KARS1: variants seen among roughly 807,000 people sequenced by gnomAD.
KARS1 encodes lysine--tRNA ligase.
A neutral mutation model predicts 63.9 loss-of-function variants in KARS1; 50 were observed. The ratio of observed to expected loss-of-function variants is 0.78; its 90% confidence interval spans 0.62 to 0.99. The LOEUF (loss-of-function observed/expected upper bound fraction) is 0.99. KARS1 is among the 50% of genes least tolerant of loss of function. The probability of loss-of-function intolerance (pLI) is 0.00; values close to 1 mark genes in which losing one functional copy is unlikely to be tolerated. For synonymous variants in KARS1, 320 were observed against 264.6 expected (o/e 1.21, Z -2.03); for missense variants, 816 against 754.5 (o/e 1.08, Z -0.95).
chr16:75,639,602 A>G (rs1027781066), intron 3 of KARS1, among the ~76,000 whole-genome samples: 6 of 149,408 alleles, frequency 4.0e-5, no homozygotes, highest in African/African-American at 1.5e-4. Flanking sequence ...AGATTTTAGT[A>G]AAATCACTGC....
At chr16:75,628,019 A>G (rs1011654982) in intron 13 of KARS1, 26 bp from the exon 14 acceptor site, 1 of 1,320,704 alleles carries the variant, frequency 7.6e-7, no homozygotes, top group Non-Finnish European at 1.1e-6. Context: ...ATGTACCTTG[A>G]AGCTGAGAAG....
At position 75,640,307 on chromosome 16, in the gene KARS1, C is replaced by G. The variant is rs772780691; in HGVS notation, c.265G>C (p.Val89Leu). ...TGTGGGTATGGGTCTTCCCCATTGA[C>G]CTTCAGCTGATGAATTGCTTGACTG... The part of the protein sequence containing the change: ...IRSQAIHQLK[V>L]NGEDPYPHKF... The change falls in exon 3 of 14, where the codon GTC (valine) becomes CTC (leucine). Residue 89 changes from valine (V) to leucine (L), a missense_variant. Val to Leu is a conservative substitution (Grantham distance 32). Coordinates refer to ENST00000302445, the MANE Select transcript of KARS1 (RefSeq NM_005548.3). 1 of 1,613,344 alleles carries G rather than the reference C, an allele frequency of 6.2e-7. No individual in the cohort carries two copies. The highest frequency in any genetic ancestry group is 8.5e-7 in the Non-Finnish European group (1 of 1,179,886).
At chr16:75,643,659 G>T (rs541373560) in intron 1 of KARS1, among the ~76,000 whole-genome samples, 12 of 152,282 alleles carry the variant, frequency 7.9e-5, no homozygotes, top group Non-Finnish European at 1.6e-4. Flanking sequence ...GATTACAGGC[G>T]TGAGCCACCA....
At chr16:75,634,620 G>A (rs1442321965) in intron 6 of KARS1, among the ~76,000 whole-genome samples, 1 of 152,122 alleles carries the variant, frequency 6.6e-6, no homozygotes, top group Non-Finnish European at 1.5e-5. Flanking sequence ...CTGTTGCCCA[G>A]GCTGGAGTGC....
At chr16:75,631,327 T>C in intron 9 of KARS1, 74 bp from the exon 10 acceptor site, 3 of 1,572,074 alleles carry the variant, frequency 1.9e-6, no homozygotes, top group Non-Finnish European at 2.6e-6. Context: ...AAGAGAATAG[T>C]GTGGGAAATT....
At chr16:75,636,180 C>T (rs1450778732) in intron 4 of KARS1, 82 bp from the exon 5 acceptor site, 1 of 862,712 alleles carries the variant, frequency 1.2e-6, no homozygotes, top group Non-Finnish European at 1.9e-6. Flanking sequence ...CCTCACTCAA[C>T]TGTTAATACC....
At chr16:75,630,589 T>C (rs2082101050) in intron 10 of KARS1, 81 bp from the exon 11 acceptor site, 4 of 823,008 alleles carry the variant, frequency 4.9e-6, no homozygotes, top group Middle Eastern at 4.6e-4. Context: ...AGATCTCAGC[T>C]CCCATCCAGA....
chr16:75,640,154 G>A (rs773987965), intron 3 of KARS1, 30 bp downstream of exon 3: 3 of 1,604,074 alleles, frequency 1.9e-6, no homozygotes, highest in East Asian at 2.2e-5. Flanking sequence ...TGCTGTGGGA[G>A]TTCAGTGATT....
chr16:75,641,433 G>A (rs1404135517), intron 2 of KARS1, 131 bp downstream of exon 2: 24 of 740,232 alleles, frequency 3.2e-5, no homozygotes, highest in Non-Finnish European at 5.5e-5. Flanking sequence ...TGCAGTGGGA[G>A]ACCCTCCCTT....
In KARS1 at chr16:75,628,629, A is replaced by C. The variant is rs754279970; in HGVS notation, c.1635T>G (p.Ala545=). 1.9e-6 allele frequency: 3 copies of C among 1,614,194 alleles called. No homozygotes were observed. In the South Asian group the frequency reaches 3.3e-5, roughly 18 times the overall value. Residue 545 remains alanine (A), a synonymous_variant, in exon 13 of 14, where the codon GCT becomes GCG. Transcript: ENST00000302445. Reference sequence around the variant, plus strand: ...CTCGATCAATGCCCATGCCCCAGCCAGCTGTGGGGGGCAGCCCATATTCCA... The same window carrying C: ...CTCGATCAATGCCCATGCCCCAGCCCGCTGTGGGGGGCAGCCCATATTCCA... The part of the protein sequence containing the change: ...TALEYGLPPT[A]GWGMGIDRVA...
At chr16:75,633,382 G>A (rs1421336965) in intron 7 of KARS1, among the ~76,000 whole-genome samples, 1 of 152,156 alleles carries the variant, frequency 6.6e-6, no homozygotes, top group African/African-American at 2.4e-5. Flanking sequence ...CTCACCTATA[G>A]AGCTGAATAA....
In KARS1 at chr16:75,637,694, G is replaced by C. The variant is rs188012882; in HGVS notation, c.389-1147C>G. On this transcript the variant is annotated intron_variant, in intron 3 of 13. Transcript: ENST00000302445. ...CTTGGGAGGCTGAGGCAGGAGAATC[G>C]CTTGAACCTGGGAGGCGGAGGTTGC... Among the ~76,000 whole-genome samples, 531 of 151,242 alleles carry C rather than the reference G, an allele frequency of 3.5e-3. 10 individuals are homozygous for C. The highest frequency in any genetic ancestry group is 3.4e-3 in the Middle Eastern group (1 of 292).
chr16:75,642,185 CTTTTTTTTTTTTTTTTTTTT>C (rs148991591), intron 1 of KARS1, among the ~76,000 whole-genome samples: 5 of 63,202 alleles, frequency 7.9e-5, no homozygotes, highest in African/African-American at 1.2e-4. Context: ...AGTGCCAGGT[CTTTTTTTTTTTTTTTTTTTT>C]TTTTTTTTTT....
chr16:75,630,227 G>A (rs2082096350), intron 11 of KARS1, among the ~76,000 whole-genome samples, 196 bp downstream of exon 11: 1 of 152,134 alleles, frequency 6.6e-6, no homozygotes, highest in Admixed American at 6.5e-5. Context: ...GGATAAGATC[G>A]TATGTGGAGT....
chr16:75,641,684 T>C lies in KARS1; in HGVS notation c.102A>G (p.Ala34=), dbSNP rs1196952309. 4.3e-6 allele frequency: 7 copies of C among 1,613,918 alleles called. No individual in the cohort carries two copies. The highest frequency in any genetic ancestry group is 2.7e-5 in the African/African-American group (2 of 74,936). The change falls in exon 2 of 14, where the codon GCA becomes GCG. Residue 34 remains alanine (A), a synonymous_variant. Coordinates refer to ENST00000302445, the MANE Select transcript of KARS1 (RefSeq NM_005548.3). ...GCTCTTTCTGTTTGGCCTCCTTCTC[T>C]GCTACTTTCTTCTCAGCTTTCAGGC... ...KRRLKAEKKV[A]EKEAKQKELS...
At chr16:75,641,492 C>A in intron 2 of KARS1, 72 bp downstream of exon 2, 1 of 1,391,490 alleles carries the variant, frequency 7.2e-7, no homozygotes, top group Non-Finnish European at 1.0e-6. Context: ...CTGTCCAGTC[C>A]CAAAGAATCT....
At chr16:75,645,425 T>C (rs1161721147) in intron 1 of KARS1, among the ~76,000 whole-genome samples, 1 of 152,176 alleles carries the variant, frequency 6.6e-6, no homozygotes, top group Admixed American at 6.5e-5. Context: ...GTTTATTAAT[T>C]TGAAAAATGG....
In KARS1 at chr16:75,636,519, C is replaced by T; in HGVS notation, c.417G>A (p.Gly139=). 6.2e-7 allele frequency: 1 copy of T among 1,612,754 alleles called. No homozygotes were observed. The highest frequency in any genetic ancestry group is 8.5e-7 in the Non-Finnish European group (1 of 1,178,814). The change falls in exon 4 of 14, where the codon GGG becomes GGA. Residue 139 remains glycine (G), a synonymous_variant. Transcript: ENST00000302445. ...GAAGATCATAGAAGATGAGCTTTCCCCCAGAAGCTCTTTTGGCATGGATCC... is the reference window on the plus strand; with the variant it reads ...GAAGATCATAGAAGATGAGCTTTCCTCCAGAAGCTCTTTTGGCATGGATCC... The part of the protein sequence containing the change: ...AGRIHAKRAS[G]GKLIFYDLRG...
intron 1 of KARS1, among the ~76,000 whole-genome samples, chr16:75,646,186 C>T (rs2082281577): frequency 6.6e-6 from 1 of 152,214 alleles, no homozygotes; most frequent in South Asian, 2.1e-4. Flanking sequence ...CTATAAACTT[C>T]GACAATTTCT....
Sources: gnomAD v4.1 joint callset for allele counts (sites outside exome capture counted in the v4.1 genomes callset) on GRCh38, gnomAD v4.1.1 for gene constraint, MANE v1.5 for transcripts, NCBI Gene and HGNC (gene_info 2026-07-23, HGNC 2026-07-21) for gene names.